Variants in ELMO1 observed in about 807,000 individuals in gnomAD.
The protein encoded by ELMO1 is engulfment and cell motility 1.
Under a neutral mutation model 98.9 loss-of-function variants are expected in ELMO1, and 26 were observed. The observed-to-expected ratio is 0.26, with a 90% confidence interval of 0.19 to 0.36. The LOEUF is 0.36. Among genes scored for constraint, ELMO1 ranks in the 10% least tolerant of loss-of-function variants. The pLI is 1.00. For synonymous variants in ELMO1, 346 were observed against 346.0 expected (o/e 1.00, Z 0.00); for missense variants, 627 against 935.2 (o/e 0.67, Z 4.30).
intron 16 of ELMO1, among the ~76,000 whole-genome samples, chr7:36,968,930 G>C (rs1789677225): frequency 6.6e-6 from 1 of 152,026 alleles, no homozygotes; most frequent in African/African-American, 2.4e-5. Flanking sequence ...TATCCCATAA[G>C]TTTTGGCATG....
chr7:36,876,609 T>C (rs1016276449), intron 19 of ELMO1, among the ~76,000 whole-genome samples: 2 of 152,174 alleles, frequency 1.3e-5, no homozygotes, highest in Non-Finnish European at 1.5e-5. Context: ...GAATGGGGTC[T>C]GAGAATGTGC....
At chr7:36,908,382 GA>G (rs1212061574) in intron 16 of ELMO1, among the ~76,000 whole-genome samples, 3 of 152,126 alleles carry the variant, frequency 2.0e-5, no homozygotes, top group African/African-American at 7.2e-5. Flanking sequence ...AACTTTCTTA[GA>G]ATTATAATTT....
intron 16 of ELMO1, among the ~76,000 whole-genome samples, chr7:36,913,972 T>A (rs1325414681): frequency 6.6e-6 from 1 of 152,230 alleles, no homozygotes; most frequent in Non-Finnish European, 1.5e-5. Flanking sequence ...ACAAACAAAC[T>A]GAAATTGTGC....
chr7:37,439,199 G>T (rs1432999928), intron 1 of ELMO1, among the ~76,000 whole-genome samples: 1 of 152,188 alleles, frequency 6.6e-6, no homozygotes, highest in Non-Finnish European at 1.5e-5. Context: ...TCACTGGAAT[G>T]CACTGCATCT....
rs77778931 is a variant in ELMO1 at position 37,365,375 on chromosome 7, C to T, written c.-73-22612G>A. Among the ~76,000 whole-genome samples the T allele has an allele frequency of 1.3e-5, 2 of 152,114 alleles. 1 individual carries two copies. Among genetic ancestry groups the T allele is most frequent in the Non-Finnish European group, 2.9e-5 (2 of 68,024 alleles). ...AGCTTCCGAGCTCCACAGAGTCAAC[C>T]CTGTACCCAAGCTCCCTCTAGTTGG... On this transcript the variant is annotated intron_variant, in intron 1 of 21. Coordinates refer to ENST00000310758, the MANE Select transcript of ELMO1 (RefSeq NM_014800.11).
At chr7:37,346,247 G>A (rs966848818) in intron 1 of ELMO1, among the ~76,000 whole-genome samples, 2 of 152,192 alleles carry the variant, frequency 1.3e-5, no homozygotes, top group Non-Finnish European at 2.9e-5. Flanking sequence ...AGGAAGCTGT[G>A]TGTCCCTGCA....
At chr7:37,445,340 T>C (rs1805568833) in intron 1 of ELMO1, among the ~76,000 whole-genome samples, 1 of 152,242 alleles carries the variant, frequency 6.6e-6, no homozygotes, top group Non-Finnish European at 1.5e-5. Context: ...CCAAACTATC[T>C]ACTTGGATGG....
chr7:37,128,621 C>G lies in ELMO1; in HGVS notation c.1191+4509G>C, dbSNP rs543779475. 2.0e-5 allele frequency among the ~76,000 whole-genome samples: 3 copies of G among 152,236 alleles called. No individual in the cohort carries two copies. In the South Asian group the frequency reaches 6.2e-4, roughly 32 times the overall value. The stretch of plus-strand genomic sequence containing the variant: ...CTTTATTCAAATATAACATGAGAAA[C>G]CAGGCTGTCCATCACAAAATTCACA... On this transcript the variant is annotated intron_variant, in intron 14 of 21. Coordinates refer to ENST00000310758, the MANE Select transcript of ELMO1 (RefSeq NM_014800.11).
At chr7:37,193,019 A>C (rs989866855) in intron 13 of ELMO1, among the ~76,000 whole-genome samples, 2 of 146,388 alleles carry the variant, frequency 1.4e-5, no homozygotes, top group African/African-American at 5.0e-5. Flanking sequence ...ACACACACAC[A>C]CATTTAAAGA....
chr7:37,123,905 C>T (rs746769299), intron 14 of ELMO1, among the ~76,000 whole-genome samples: 93 of 152,228 alleles, frequency 6.1e-4, no homozygotes, highest in Admixed American at 2.5e-3. Flanking sequence ...ACTGGCAAAC[C>T]GAATCCAGCA....
At position 37,045,051 on chromosome 7, in the gene ELMO1, G is replaced by A. The variant is rs141056140; in HGVS notation, c.1301-31616C>T. ...AAGCTATGAATGCTTTACTAGCATCGTCAATAGAGACCCTTAGAAAGAGTA... is the reference window on the plus strand; with the variant it reads ...AAGCTATGAATGCTTTACTAGCATCATCAATAGAGACCCTTAGAAAGAGTA... On this transcript the variant is annotated intron_variant, in intron 15 of 21. Transcript: ENST00000310758. 1.4e-3 allele frequency among the ~76,000 whole-genome samples: 211 copies of A among 152,228 alleles called. 2 individuals carry two copies. The highest frequency in any genetic ancestry group is 5.0e-3 in the African/African-American group (206 of 41,532).
intron 20 of ELMO1, among the ~76,000 whole-genome samples, chr7:36,865,318 T>G (rs1385313690): frequency 1.3e-5 from 2 of 152,160 alleles, no homozygotes; most frequent in African/African-American, 4.8e-5. Flanking sequence ...GTCACAGAAA[T>G]AGCAGTAGAT....
intron 13 of ELMO1, among the ~76,000 whole-genome samples, chr7:37,143,591 G>C (rs113549970): frequency 0.014 from 2,156 of 152,052 alleles, 25 homozygotes; most frequent in Non-Finnish European, 0.022. Flanking sequence ...ATTTTTGGTA[G>C]AGATGAGGTT....
chr7:36,963,281 G>C (rs943409552), intron 16 of ELMO1, among the ~76,000 whole-genome samples: 1 of 152,074 alleles, frequency 6.6e-6, no homozygotes, highest in Admixed American at 6.6e-5. Context: ...AGGAGACTGA[G>C]GCAGGAGAAT....
At chr7:37,248,088 C>T (rs1419356840) in intron 6 of ELMO1, among the ~76,000 whole-genome samples, 1 of 151,896 alleles carries the variant, frequency 6.6e-6, no homozygotes, top group Non-Finnish European at 1.5e-5. Context: ...AGTCACAGTG[C>T]TTCTTACTCC....
intron 1 of ELMO1, chr7:37,435,343 T>C (rs1047662524): frequency 1.3e-5 from 2 of 152,244 alleles, no homozygotes; most frequent in African/African-American, 4.8e-5. Context: ...CAGCAGTCTC[T>C]TCCCAGCCAA....
At chr7:37,297,254 G>T (rs1798077102) in intron 4 of ELMO1, among the ~76,000 whole-genome samples, 1 of 152,046 alleles carries the variant, frequency 6.6e-6, no homozygotes, top group Non-Finnish European at 1.5e-5. Flanking sequence ...TATTTTTAAA[G>T]GTTGTATAAG....
intron 16 of ELMO1, among the ~76,000 whole-genome samples, chr7:36,971,372 A>C (rs1789935786): frequency 6.6e-6 from 1 of 152,236 alleles, no homozygotes; most frequent in Non-Finnish European, 1.5e-5. Context: ...TCTATTAAAC[A>C]ACCATCCCAA....
At chr7:37,282,436 C>A (rs759990521) in intron 4 of ELMO1, among the ~76,000 whole-genome samples, 1 of 152,224 alleles carries the variant, frequency 6.6e-6, no homozygotes, top group Non-Finnish European at 1.5e-5. Flanking sequence ...CAAGCCTGAT[C>A]GCTTTTGTCC....
Sources: allele counts gnomAD v4.1 joint callset (sites outside exome capture counted in the v4.1 genomes callset), GRCh38; gene constraint gnomAD v4.1.1; transcripts MANE v1.5; gene names NCBI Gene and HGNC (gene_info 2026-07-23, HGNC 2026-07-21).